Variants in CD226 observed in about 807,000 individuals in gnomAD.
The protein encoded by CD226 is CD226 molecule, also known as CD226 antigen.
In CD226, 24 loss-of-function variants were observed where a neutral mutation model predicts 34.9. That is an observed-to-expected ratio of 0.69 (90% confidence interval 0.50 to 0.97). The LOEUF (loss-of-function observed/expected upper bound fraction) is 0.97, where lower values mean the gene tolerates loss of function less well. Among genes scored for constraint, CD226 ranks in the 50% least tolerant of loss-of-function variants. The probability of loss-of-function intolerance (pLI) is 0.00; values close to 1 mark genes in which losing one functional copy is unlikely to be tolerated. For synonymous variants in CD226, 148 were observed against 147.4 expected, an observed-to-expected ratio of 1.00 and a Z score of -0.03; for missense variants, 397 against 412.7, an observed-to-expected ratio of 0.96 and a Z score of 0.33.
chr18:69,880,322 A>G (rs1345401878), intron 3 of CD226, among the ~76,000 whole-genome samples: 4 of 103,232 alleles, frequency 3.9e-5, no homozygotes, highest in African/African-American at 1.7e-4. Context: ...AAGAAAGAAA[A>G]AGAAAGAGAG....
At chr18:69,913,239 A>T (rs1288010291) in intron 2 of CD226, among the ~76,000 whole-genome samples, 7 of 152,162 alleles carry the variant, frequency 4.6e-5, no homozygotes, top group Non-Finnish European at 1.5e-5. Context: ...CAAGAATACC[A>T]AGGATATCAT....
chr18:69,922,445 A>G (rs948729848), intron 2 of CD226, among the ~76,000 whole-genome samples: 5 of 151,994 alleles, frequency 3.3e-5, no homozygotes, highest in African/African-American at 1.2e-4. Context: ...CCACAACTGG[A>G]TAATTTTTTA....
chr18:69,897,092 C>G (rs953073150), intron 2 of CD226, among the ~76,000 whole-genome samples: 1 of 152,128 alleles, frequency 6.6e-6, no homozygotes, highest in African/African-American at 2.4e-5. Flanking sequence ...AGAGGAAATT[C>G]CCCCTCTTCA....
At position 69,888,169 on chromosome 18, in the gene CD226, T is replaced by C. The variant is rs116688062; in HGVS notation, c.727+7532A>G. Among the ~76,000 whole-genome samples, 692 of 152,334 alleles carry C rather than the reference T, an allele frequency of 4.5e-3. 7 individuals are homozygous for C. The highest frequency in any genetic ancestry group is 0.016 in the African/African-American group (655 of 41,574). Reference sequence around the variant, plus strand: ...TAAGAATGAAATGCTATTAATCTTATAAGAATAACTTATTTTACATTTTAA... The same window carrying C: ...TAAGAATGAAATGCTATTAATCTTACAAGAATAACTTATTTTACATTTTAA... On this transcript the variant is annotated intron_variant, in intron 3 of 5. Coordinates refer to ENST00000582621, the MANE Select transcript of CD226 (RefSeq NM_001303618.2).
At chr18:69,871,990 G>A (rs552832998) in intron 4 of CD226, among the ~76,000 whole-genome samples, 41 of 152,050 alleles carry the variant, frequency 2.7e-4, no homozygotes, top group African/African-American at 8.9e-4. Context: ...GATGACAGCT[G>A]CTAAAGAGCC....
chr18:69,951,370 G>A (rs2145379283), upstream of CD226, among the ~76,000 whole-genome samples: 1 of 152,174 alleles, frequency 6.6e-6, no homozygotes, highest in East Asian at 1.9e-4. Flanking sequence ...TTCCATGCCA[G>A]AAAAACAGCA....
chr18:69,861,554 G>GTGTATACATATATATATATATA lies in CD226; in HGVS notation c.*2759_*2760insTATATATATATATATGTATACA. The GTGTATACATATATATATATATA allele has an allele frequency of 7.8e-6, 1 of 127,948 alleles. No homozygotes were observed. The highest frequency in any genetic ancestry group is 2.4e-4 in the East Asian group (1 of 4,218). The allele number at this position is 127,948 out of a possible 1,614,324, so 7.9% of individuals were successfully genotyped here. A position where few individuals can be genotyped will look rare whatever the true frequency, so the allele number is the denominator to read the frequency against. On this transcript the variant is annotated 3_prime_UTR_variant, in exon 6 of 6. Transcript: ENST00000582621. ...ATAAATTATATGTGTATATATATAT[G>GTGTATACATATATATATATATA]TATATATATATATATATATGTAAAA... is the stretch of plus-strand genomic sequence containing the variant.
In CD226 at chr18:69,855,544, GAAGT is replaced by G. The variant is rs1236888769; in HGVS notation, c.*8766_*8769del. The stretch of plus-strand genomic sequence containing the variant: ...GAAAGAATGGAGCAAAAGAATGTTA[GAAGT>G]AATAACGTCTGGGAACTTGCCAAAA... On this transcript the variant is annotated 3_prime_UTR_variant, in exon 6 of 6. Transcript: ENST00000582621. The G allele has an allele frequency of 6.6e-6, 1 of 152,102 alleles. No homozygotes were observed. Among genetic ancestry groups the G allele is most frequent in the Non-Finnish European group, 1.5e-5 (1 of 67,998 alleles). 9.4% of individuals were successfully genotyped at this position (152,102 alleles called of 1,614,324 possible). A position where few individuals can be genotyped will look rare whatever the true frequency, so the allele number is the denominator to read the frequency against.
upstream of CD226, among the ~76,000 whole-genome samples, chr18:69,950,971 T>TTGTGTGTGTG (rs57098005): frequency 8.3e-3 from 1,097 of 132,680 alleles, 19 homozygotes; most frequent in African/African-American, 0.029. Flanking sequence ...AACTATGATT[T>TTGTGTGTGTG]TGTGTGTGTG....
chr18:69,903,256 C>T (rs1017533461), intron 2 of CD226, among the ~76,000 whole-genome samples: 5 of 152,138 alleles, frequency 3.3e-5, no homozygotes, highest in African/African-American at 1.2e-4. Flanking sequence ...TCGTGGTGGA[C>T]ACTGAACTGA....
At chr18:69,948,973 A>C (rs974538341), upstream of CD226, among the ~76,000 whole-genome samples, 15 of 152,228 alleles carry the variant, frequency 9.9e-5, no homozygotes, top group African/African-American at 3.6e-4. Context: ...AATCATTCTA[A>C]TAGATTGTGG....
intron 2 of CD226, 56 bp downstream of exon 2, chr18:69,946,678 A>G (rs761879551): frequency 1.3e-5 from 15 of 1,180,870 alleles, no homozygotes; most frequent in Non-Finnish European, 1.7e-5. Flanking sequence ...CTTTATAGAA[A>G]TAAATGTTGT....
At chr18:69,941,420 C>A (rs1447937040) in intron 2 of CD226, among the ~76,000 whole-genome samples, 1 of 152,242 alleles carries the variant, frequency 6.6e-6, no homozygotes, top group Non-Finnish European at 1.5e-5. Flanking sequence ...CTGTACCCTG[C>A]ATAGCCAGAG....
chr18:69,907,530 G>A (rs569094444), intron 2 of CD226, among the ~76,000 whole-genome samples: 90 of 152,212 alleles, frequency 5.9e-4, no homozygotes, highest in Admixed American at 3.7e-3. Context: ...GGCTGGTCTC[G>A]AACTCCTGAT....
At chr18:69,941,879 T>G (rs903505925) in intron 2 of CD226, among the ~76,000 whole-genome samples, 16 of 152,252 alleles carry the variant, frequency 1.1e-4, no homozygotes, top group African/African-American at 3.6e-4. Context: ...AATCTCATCT[T>G]GTAGTTCCCA....
chr18:69,884,334 T>G (rs1314657282), intron 3 of CD226, among the ~76,000 whole-genome samples: 3 of 152,162 alleles, frequency 2.0e-5, no homozygotes, highest in Non-Finnish European at 2.9e-5. Context: ...TTCCACAGAA[T>G]GGCATTGAGA....
At chr18:69,941,459 C>G (rs986421845) in intron 2 of CD226, among the ~76,000 whole-genome samples, 1 of 152,214 alleles carries the variant, frequency 6.6e-6, no homozygotes, top group African/African-American at 2.4e-5. Flanking sequence ...CCATGGGTGC[C>G]CACCTCTTGC....
At chr18:69,911,695 T>C (rs3916235) in intron 2 of CD226, among the ~76,000 whole-genome samples, 116,176 of 152,214 alleles carry the variant, frequency 0.76, 51,525 homozygotes, top group East Asian at 1. Context: ...TCACCACACT[T>C]ATCTGCCCCA....
intron 5 of CD226, among the ~76,000 whole-genome samples, chr18:69,866,555 A>G (rs1054407321): frequency 6.6e-6 from 1 of 152,182 alleles, no homozygotes. Context: ...GATAATAATA[A>G]TAATGAATAT....
Sources: allele counts gnomAD v4.1 joint callset (sites outside exome capture counted in the v4.1 genomes callset), GRCh38; gene constraint gnomAD v4.1.1; transcripts MANE v1.5; gene names NCBI Gene and HGNC (gene_info 2026-07-23, HGNC 2026-07-21).